CASP6: variants seen among roughly 807,000 people sequenced by gnomAD.
CASP6 encodes the protein caspase-6.
CASP6 carries 20 observed loss-of-function variants against 31.8 expected under a neutral mutation model. The ratio of observed to expected loss-of-function variants is 0.63; its 90% confidence interval spans 0.44 to 0.91. CASP6 has a LOEUF of 0.91. CASP6 is among the 40% of genes least tolerant of loss of function. The pLI, the probability that CASP6 is intolerant of heterozygous loss-of-function variation, is 0.00. For missense variants in CASP6, 328 were observed against 361.1 expected (o/e 0.91, Z 0.74); for synonymous variants, 130 against 127.8 (o/e 1.02, Z -0.12).
intron 6 of CASP6, among the ~76,000 whole-genome samples, chr4:109,690,631 T>C (rs1452588140): frequency 6.6e-6 from 1 of 152,196 alleles, no homozygotes; most frequent in Non-Finnish European, 1.5e-5. Context: ...AGACTGTTGC[T>C]TTACTCAACA....
intron 3 of CASP6, 51 bp from the exon 4 acceptor site, chr4:109,696,537 A>C: frequency 8.1e-7 from 1 of 1,234,582 alleles, no homozygotes; most frequent in Non-Finnish European, 1.2e-6. Flanking sequence ...CAAAGTTGTC[A>C]AATACCCTTA....
chr4:109,706,034 T>TATATATA (rs1730602528), upstream of CASP6, among the ~76,000 whole-genome samples: 2 of 89,280 alleles, frequency 2.2e-5, no homozygotes, highest in Non-Finnish European at 4.5e-5. Context: ...ATATATATAA[T>TATATATA]ATATATAAAA....
downstream of CASP6, chr4:109,685,362 G>T (rs758512386): frequency 7.2e-7 from 1 of 1,397,550 alleles, no homozygotes; most frequent in African/African-American, 1.4e-5. Flanking sequence ...AGAAGACCTT[G>T]CTAAGGTATA....
At chr4:109,709,514 A>G in the CASP6 span, among the ~76,000 whole-genome samples, 3 of 152,102 alleles carry the variant, frequency 2.0e-5, no homozygotes, top group Admixed American at 2.0e-4. Flanking sequence ...TCATATCTCA[A>G]TCGTGTCTTC....
At chr4:109,692,919 GTC>G (rs1469010162) in intron 5 of CASP6, among the ~76,000 whole-genome samples, 2 of 152,324 alleles carry the variant, frequency 1.3e-5, no homozygotes, top group East Asian at 1.9e-4. Context: ...CGGTTTGAAC[GTC>G]TGTCCCCTCC....
chr4:109,672,669 T>G, the CASP6 span, among the ~76,000 whole-genome samples: 1 of 152,186 alleles, frequency 6.6e-6, no homozygotes, highest in East Asian at 1.9e-4. Context: ...AAATCATCAC[T>G]TTGCAGCCAA....
At chr4:109,666,068 A>G in the CASP6 span, among the ~76,000 whole-genome samples, 41 of 152,146 alleles carry the variant, frequency 2.7e-4, no homozygotes, top group African/African-American at 9.6e-4. Context: ...GTGAAGAGGA[A>G]GGCCAGCTTG....
At chr4:109,685,075 T>G, downstream of CASP6, 1 of 475,562 alleles carries the variant, frequency 2.1e-6, no homozygotes. Flanking sequence ...CAGCAGATCT[T>G]AAATGAGACT....
At chr4:109,695,356 A>G (rs1800613) in intron 4 of CASP6, among the ~76,000 whole-genome samples, 13,681 of 152,248 alleles carry the variant, frequency 0.09, 723 homozygotes, top group Middle Eastern at 0.12. Flanking sequence ...TTTTGGCAAT[A>G]AACTAAAAAT....
the CASP6 span, among the ~76,000 whole-genome samples, chr4:109,680,215 T>C: frequency 6.6e-6 from 1 of 152,188 alleles, no homozygotes; most frequent in African/African-American, 2.4e-5. Context: ...AACCCGTGGG[T>C]GCCTGGCTCT....
At chr4:109,693,318 T>C (rs1730133924) in intron 5 of CASP6, among the ~76,000 whole-genome samples, 1 of 152,224 alleles carries the variant, frequency 6.6e-6, no homozygotes, top group Admixed American at 6.5e-5. Context: ...ACTAACATAA[T>C]GTTATTTCAT....
chr4:109,705,992 AAAAAAAAAAATATATAT>A (rs1466903860), upstream of CASP6, among the ~76,000 whole-genome samples: 191 of 72,682 alleles, frequency 2.6e-3, 1 homozygote, highest in South Asian at 0.021. Flanking sequence ...AAAAAAAAAA[AAAAAAAAAAATATATAT>A]ATATATATAT....
chr4:109,706,166 TATATACACACACACATATAC>T (rs1730613453), upstream of CASP6, among the ~76,000 whole-genome samples: 1 of 92,032 alleles, frequency 1.1e-5, no homozygotes, highest in Non-Finnish European at 2.0e-5. Context: ...TATATATATA[TATATACACACACACATATAC>T]ACACACACAT....
intron 1 of CASP6, among the ~76,000 whole-genome samples, chr4:109,700,785 G>A (rs1012703383): frequency 6.6e-6 from 1 of 152,144 alleles, no homozygotes; most frequent in African/African-American, 2.4e-5. Flanking sequence ...AGAACAAAAA[G>A]CTATGGAGAC....
At chr4:109,687,525 C>T, downstream of CASP6, 1 of 1,611,222 alleles carries the variant, frequency 6.2e-7, no homozygotes, top group African/African-American at 1.3e-5. Context: ...GCTAAAGAAT[C>T]CCTGAAACAG....
upstream of CASP6, chr4:109,703,489 C>G: frequency 1.3e-6 from 2 of 1,492,378 alleles, no homozygotes; most frequent in Non-Finnish European, 9.1e-7. Context: ...CCTCGGCGGC[C>G]CCGCCCCCTG....
intron 3 of CASP6, 140 bp downstream of exon 3, chr4:109,697,482 G>C: frequency 2.2e-6 from 2 of 891,428 alleles, no homozygotes; most frequent in Non-Finnish European, 3.3e-6. Flanking sequence ...GCCCAGACTT[G>C]TCTCAAACTC....
intron 1 of CASP6, among the ~76,000 whole-genome samples, chr4:109,702,527 G>A (rs1003261393): frequency 3.3e-5 from 5 of 151,564 alleles, no homozygotes; most frequent in African/African-American, 1.2e-4. Flanking sequence ...GTGTTAGTTA[G>A]GCTGGTCGAG....
downstream of CASP6, among the ~76,000 whole-genome samples, chr4:109,686,078 A>G (rs1729830148): frequency 6.6e-6 from 1 of 152,178 alleles, no homozygotes; most frequent in African/African-American, 2.4e-5. Flanking sequence ...TTTCTAAATT[A>G]CTCATCCCTA....
Sources: allele counts gnomAD v4.1 joint callset (sites outside exome capture counted in the v4.1 genomes callset), GRCh38; gene constraint gnomAD v4.1.1; transcripts MANE v1.5; gene names NCBI Gene and HGNC (gene_info 2026-07-23, HGNC 2026-07-21).